CCDC146: variants seen among roughly 807,000 people sequenced by gnomAD.
The protein encoded by CCDC146 is coiled-coil domain containing 146.
A neutral mutation model predicts 119.3 loss-of-function variants in CCDC146; 92 were observed. The ratio of observed to expected loss-of-function variants is 0.77; its 90% CI spans 0.65 to 0.92. The LOEUF (loss-of-function observed/expected upper bound fraction) is 0.92, where lower values mean the gene tolerates loss of function less well. Among genes scored for constraint, CCDC146 ranks in the 40% least tolerant of loss-of-function variants. The probability of loss-of-function intolerance (pLI) is 0.00; values close to 1 mark genes in which losing one functional copy is unlikely to be tolerated. For synonymous variants in CCDC146, 372 were observed against 371.8 expected (o/e 1.00, Z -0.01); for missense variants, 1,000 against 1,103.0 (o/e 0.91, Z 1.32).
At chr7:77,237,101 C>A in intron 3 of CCDC146, 72 bp downstream of exon 3, 1 of 1,221,798 alleles carries the variant, frequency 8.2e-7, no homozygotes, top group Non-Finnish European at 1.2e-6. Context: ...GACCTGTCTT[C>A]ATTTGCATTC....
rs753777784 is a variant in CCDC146, at chr7:77,196,257, C to T, written c.156+28433C>T. The T allele has an allele frequency of 5.9e-5, 92 of 1,561,108 alleles. 1 individual carries two copies. Among genetic ancestry groups the T allele is most frequent in the East Asian group, 4.1e-4 (18 of 44,358 alleles). On this transcript the variant is annotated intron_variant, in intron 2 of 18. Transcript: ENST00000285871. This position sits in a 1 kb window ranked among gnomAD's most constrained non-coding sequence, Gnocchi z 4.2. ...AATTGCCCTATTAGATAACGAATAC[C>T]TGGAGGAATGAACAGAGTGATTTAT...
chr7:77,286,019 G>C (rs1050017003), intron 15 of CCDC146, among the ~76,000 whole-genome samples: 1 of 152,204 alleles, frequency 6.6e-6, no homozygotes, highest in Non-Finnish European at 1.5e-5. Context: ...CTGCAATGAA[G>C]AGGTGAAGGC....
intron 2 of CCDC146, among the ~76,000 whole-genome samples, chr7:77,191,250 C>T (rs1023609618): frequency 5.9e-5 from 9 of 152,170 alleles, no homozygotes; most frequent in East Asian, 3.8e-4. Context: ...AACCTATCAA[C>T]AGCGTTAAGT....
rs1793709832 is a variant in CCDC146 at position 77,278,940 on chromosome 7, G to C, written c.1533G>C (p.Leu511=). 2 of 1,608,160 alleles carry C rather than the reference G, an allele frequency of 1.2e-6. No homozygotes were observed. The highest frequency in any genetic ancestry group is 1.3e-5 in the African/African-American group (1 of 74,392). ...KKKKCEIYRR[L]REFAKLYDTI... is the part of the protein sequence containing the mutation. ...TAAACACTTTGTATTTTTACAGACT[G>C]AGAGAGTTTGCTAAACTGTATGACA... Residue 511 remains leucine (L), a synonymous_variant, in exon 13 of 19, where the codon CTG becomes CTC. Coordinates refer to ENST00000285871, the MANE Select transcript of CCDC146 (RefSeq NM_020879.3).
chr7:77,258,561 T>C (rs1793225866), intron 6 of CCDC146, among the ~76,000 whole-genome samples: 1 of 152,210 alleles, frequency 6.6e-6, no homozygotes, highest in Admixed American at 6.5e-5. Context: ...CAACACTTTA[T>C]TATATAATAA....
chr7:77,281,894 T>G (rs1213915973), intron 14 of CCDC146, among the ~76,000 whole-genome samples: 1 of 152,144 alleles, frequency 6.6e-6, no homozygotes, highest in African/African-American at 2.4e-5. Flanking sequence ...ACCAAAGCGT[T>G]TGGACAAACA....
At chr7:77,260,294 T>C in intron 8 of CCDC146, 58 bp downstream of exon 8, 1 of 1,271,008 alleles carries the variant, frequency 7.9e-7, no homozygotes, top group Non-Finnish European at 1.1e-6. Flanking sequence ...CAATTTATAT[T>C]TGAGAATTCA....
chr7:77,225,811 C>T (rs1345328624), intron 2 of CCDC146, among the ~76,000 whole-genome samples: 5 of 151,712 alleles, frequency 3.3e-5, no homozygotes, highest in East Asian at 2.0e-4. Context: ...GGCATGGTGG[C>T]GGGCACCTGT....
chr7:77,237,062 A>G, intron 3 of CCDC146, 33 bp downstream of exon 3: 4 of 1,550,172 alleles, frequency 2.6e-6, no homozygotes, highest in Non-Finnish European at 3.6e-6. Context: ...GACATGATTA[A>G]TCACCTTTAA....
At chr7:77,262,456 A>G (rs1407588180) in intron 9 of CCDC146, 149 bp downstream of exon 9, 2 of 611,948 alleles carry the variant, frequency 3.3e-6, no homozygotes, top group East Asian at 5.8e-5. Flanking sequence ...CAAGCCTATT[A>G]TGAAATCTAT....
intron 2 of CCDC146, chr7:77,197,053 A>G (rs763097587): frequency 3.1e-6 from 3 of 955,734 alleles, no homozygotes; most frequent in Non-Finnish European, 4.7e-6. Context: ...AGAATTCTTT[A>G]TATGTACAAA....
At chr7:77,145,671 A>G (rs1017222078) in intron 1 of CCDC146, among the ~76,000 whole-genome samples, 1 of 152,064 alleles carries the variant, frequency 6.6e-6, no homozygotes, top group East Asian at 1.9e-4. Context: ...TCACTTCGTT[A>G]TGTACCCAGT....
intron 2 of CCDC146, among the ~76,000 whole-genome samples, chr7:77,188,163 T>C (rs1177204051): frequency 1.3e-5 from 2 of 152,256 alleles, no homozygotes; most frequent in Non-Finnish European, 2.9e-5. Flanking sequence ...TTATGGGGGC[T>C]GCCTGATTCA....
intron 1 of CCDC146, among the ~76,000 whole-genome samples, chr7:77,147,352 C>T (rs904729398): frequency 9.9e-5 from 15 of 152,260 alleles, no homozygotes; most frequent in African/African-American, 3.1e-4. Flanking sequence ...GCACTGGGTT[C>T]GAACTTCCTC....
At chr7:77,193,359 A>T (rs200930704) in intron 2 of CCDC146, 1 of 149,606 alleles carries the variant, frequency 6.7e-6, no homozygotes, top group Non-Finnish European at 1.5e-5. Context: ...GACACAAGTA[A>T]GTACATAAAT....
chr7:77,129,304 C>G lies in CCDC146; in HGVS notation c.-12+6572C>G, dbSNP rs2117389163. 1.3e-5 allele frequency among the ~76,000 whole-genome samples: 2 copies of G among 152,138 alleles called. 1 individual carries two copies. Among genetic ancestry groups the G allele is most frequent in the South Asian group, 4.1e-4 (2 of 4,824 alleles). ...TATCAGATTTGCTGTTGTGATATCT[C>G]AGTGCTCGTATTCAAGTAACCCTTA... On this transcript the variant is annotated intron_variant, in intron 1 of 18. Transcript: ENST00000285871.
chr7:77,271,779 A>G (rs993788980), intron 9 of CCDC146, among the ~76,000 whole-genome samples: 5 of 151,972 alleles, frequency 3.3e-5, no homozygotes, highest in Non-Finnish European at 5.9e-5. Flanking sequence ...GAGTTCAAAA[A>G]TGAATACAAT....
In CCDC146 at chr7:77,221,181, C is replaced by T. The variant is rs1228576465; in HGVS notation, c.157-15766C>T. ...AGGATCCACCCCCATGATCCAGTCA[C>T]CTCCCATCAGACTCCACCTCCAACA... On this transcript the variant is annotated intron_variant, in intron 2 of 18. Coordinates refer to ENST00000285871, the MANE Select transcript of CCDC146 (RefSeq NM_020879.3). 2.0e-5 allele frequency among the ~76,000 whole-genome samples: 3 copies of T among 152,152 alleles called. No homozygotes were observed. In the East Asian group the frequency reaches 5.8e-4, roughly 29 times the overall value.
At chr7:77,181,137 T>A (rs1791580697) in intron 2 of CCDC146, among the ~76,000 whole-genome samples, 1 of 152,124 alleles carries the variant, frequency 6.6e-6, no homozygotes, top group African/African-American at 2.4e-5. Flanking sequence ...GAATAGGGTG[T>A]CACATGGCAA....
Sources: gnomAD v4.1 joint callset for allele counts (sites outside exome capture counted in the v4.1 genomes callset) on GRCh38, gnomAD v4.1.1 for gene constraint, Gnocchi (gnomAD v3.1) non-coding constraint, MANE v1.5 for transcripts, NCBI Gene and HGNC (gene_info 2026-07-23, HGNC 2026-07-21) for gene names.